GNB1L: variants seen among roughly 807,000 people sequenced by gnomAD.
GNB1L encodes guanine nucleotide-binding protein subunit beta-like protein 1.
GNB1L carries 20 observed loss-of-function variants against 29.1 expected under a neutral mutation model. The ratio of observed to expected loss-of-function variants is 0.69; its 90% CI spans 0.48 to 1.00. The LOEUF (loss-of-function observed/expected upper bound fraction) is 1.00. Ranked by LOEUF, GNB1L falls within the 50% of genes least tolerant of loss-of-function variation. The pLI, the probability that GNB1L is intolerant of heterozygous loss-of-function variation, is 0.00. For synonymous variants in GNB1L, 193 were observed against 206.5 expected, an observed-to-expected ratio of 0.93 and a Z score of 0.56; for missense variants, 421 against 464.9, an observed-to-expected ratio of 0.91 and a Z score of 0.87.
rs564960241 is a variant in GNB1L at position 19,802,216 on chromosome 22, C to T, written c.517G>A (p.Ala173Thr). 3.0e-5 allele frequency: 49 copies of T among 1,611,986 alleles called. No individual in the cohort carries two copies. Among genetic ancestry groups the T allele is most frequent in the Admixed American group, 2.0e-4 (12 of 60,014 alleles). Reference sequence around the variant, plus strand: ...AGGAGTGGGCGGGAGCTGCAGTCGGCCTGCGGGGAACAGCAGAGCAGTCAG... The same window carrying T: ...AGGAGTGGGCGGGAGCTGCAGTCGGTCTGCGGGGAACAGCAGAGCAGTCAG... ...GMPMCLRLWQ[A>T]DCSSRPLLLA... The change falls in exon 7 of 8, where the codon GCC (alanine) becomes ACC (threonine). Residue 173 changes from alanine to threonine, a missense_variant and splice_region_variant. By Grantham distance (58) the Ala-to-Thr change is moderately conservative. Transcript: ENST00000329517.
chr22:19,796,462 A>G (rs1937307497), intron 7 of GNB1L, among the ~76,000 whole-genome samples: 1 of 152,244 alleles, frequency 6.6e-6, no homozygotes, highest in Admixed American at 6.5e-5. Context: ...ACGGCCCCGC[A>G]TTTCAAAGAA....
chr22:19,820,684 C>T lies in GNB1L; in HGVS notation c.168G>A (p.Thr56=), dbSNP rs764335737. Residue 56 remains threonine (T), a synonymous_variant, in exon 4 of 8, where the codon ACG becomes ACA. Transcript: ENST00000329517. ...SGLVHIWSLQ[T]RRAVTTLDGH... Reference sequence around the variant, plus strand: ...CATCCAGGGTGGTAACCGCTCTCCGCGTCTGCAGGCTCCAGATGTGTACCA... The same window carrying T: ...CATCCAGGGTGGTAACCGCTCTCCGTGTCTGCAGGCTCCAGATGTGTACCA... 3.8e-5 allele frequency: 62 copies of T among 1,613,704 alleles called. No homozygotes were observed. Among genetic ancestry groups the T allele is most frequent in the South Asian group, 2.9e-4 (26 of 91,076 alleles).
At chr22:19,790,877 A>G (rs1344042316) in intron 7 of GNB1L, among the ~76,000 whole-genome samples, 1 of 152,222 alleles carries the variant, frequency 6.6e-6, no homozygotes, top group Non-Finnish European at 1.5e-5. Flanking sequence ...GGTAATCTGA[A>G]TAATAGGAAC....
At chr22:19,845,190 G>A (rs886474608) in intron 2 of GNB1L, among the ~76,000 whole-genome samples, 2 of 152,200 alleles carry the variant, frequency 1.3e-5, no homozygotes, top group African/African-American at 4.8e-5. Context: ...ATCAACTCCC[G>A]ACCACCCAGC....
chr22:19,840,734 C>T lies in GNB1L; in HGVS notation c.-21+13709G>A, dbSNP rs192173862. On this transcript the variant is annotated intron_variant, in intron 2 of 7. Transcript: ENST00000329517. ...CTGAGGCAGGAGAATCGCTTGAACC[C>T]GACAGGCAGAGATTGCAGTGAGCCG... Among the ~76,000 whole-genome samples, 127 of 151,914 alleles carry T rather than the reference C, an allele frequency of 8.4e-4. 1 individual carries two copies. The East Asian group carries it at 0.015, about 18-fold the overall frequency.
In GNB1L at chr22:19,812,442, C is replaced by T; in HGVS notation, c.260G>A (p.Gly87Asp). 6.2e-7 allele frequency: 1 copy of T among 1,611,666 alleles called. No homozygotes were observed. The highest frequency in any genetic ancestry group is 8.5e-7 in the Non-Finnish European group (1 of 1,178,898). ...LPQGRQLLSQ[G>D]RDLKLCLWDL... ...CCACAGGCACAGCTTCAGGTCCCGGCCCTGACTGCCAGACAAAGAGGAGAC... is the reference window on the plus strand; with the variant it reads ...CCACAGGCACAGCTTCAGGTCCCGGTCCTGACTGCCAGACAAAGAGGAGAC... Residue 87 changes from glycine to aspartate, a missense_variant, in exon 5 of 8, where the codon GGC becomes GAC. Coordinates refer to ENST00000329517, the MANE Select transcript of GNB1L (RefSeq NM_053004.3).
Position 19,816,890 on chromosome 22 carries a change from C to G in GNB1L, c.254+3708G>C, listed in dbSNP as rs982484344. On this transcript the variant is annotated intron_variant, in intron 4 of 7. Transcript: ENST00000329517. This position sits in a 1 kb window ranked among gnomAD's most constrained non-coding sequence, Gnocchi z 4.4. ...AGGCTGCCGCTGCCACACCACCCCC[C>G]CAACCCTGCTTCTTTGACTGCCTGG... Among the ~76,000 whole-genome samples, 2 of 152,206 alleles carry G rather than the reference C, an allele frequency of 1.3e-5. No homozygotes were observed. The highest frequency in any genetic ancestry group is 4.8e-5 in the African/African-American group (2 of 41,430).
rs147498111 is a variant in GNB1L, at chr22:19,853,984, G to A, written c.-21+459C>T. Among the ~76,000 whole-genome samples the A allele has an allele frequency of 3.2e-3, 491 of 152,218 alleles. 2 individuals are homozygous for A. Among genetic ancestry groups the A allele is most frequent in the African/African-American group, 0.011 (473 of 41,502 alleles). On this transcript the variant is annotated intron_variant, in intron 2 of 7. Coordinates refer to ENST00000329517, the MANE Select transcript of GNB1L (RefSeq NM_053004.3). Reference sequence around the variant, plus strand: ...TCCCTTCTTCCCAGTCCCCTACCCTGCCCACTCACCTGCGCACCTGTGTCC... The same window carrying A: ...TCCCTTCTTCCCAGTCCCCTACCCTACCCACTCACCTGCGCACCTGTGTCC...
intron 2 of GNB1L, chr22:19,848,626 G>GT: frequency 1.0e-6 from 1 of 985,480 alleles, no homozygotes; most frequent in Non-Finnish European, 1.2e-6. Context: ...AACAGGACGC[G>GT]TTTTAATTAA....
chr22:19,791,164 T>C (rs1347856428), intron 7 of GNB1L, among the ~76,000 whole-genome samples: 1 of 152,182 alleles, frequency 6.6e-6, no homozygotes, highest in Non-Finnish European at 1.5e-5. Flanking sequence ...GCCCAGGAGT[T>C]TGAGGCTGCA....
intron 2 of GNB1L, among the ~76,000 whole-genome samples, chr22:19,853,693 G>C (rs1188562621): frequency 6.6e-6 from 1 of 151,818 alleles, no homozygotes. Flanking sequence ...AAACACTCTG[G>C]AATCCCTCAG....
chr22:19,795,632 C>T (rs980138262), intron 7 of GNB1L, among the ~76,000 whole-genome samples: 2 of 152,242 alleles, frequency 1.3e-5, no homozygotes, highest in Non-Finnish European at 2.9e-5. Flanking sequence ...AATTAAATAA[C>T]ACACCCCCAC....
At chr22:19,822,888 TAC>T (rs776238593) in intron 2 of GNB1L, among the ~76,000 whole-genome samples, 24 of 152,174 alleles carry the variant, frequency 1.6e-4, no homozygotes, top group Non-Finnish European at 1.5e-4. Flanking sequence ...CCCTTCTGAA[TAC>T]ACGCCAGCCC....
At chr22:19,810,738 G>A (rs5993840) in intron 5 of GNB1L, among the ~76,000 whole-genome samples, 174 of 151,852 alleles carry the variant, frequency 1.1e-3, no homozygotes, top group African/African-American at 4.1e-3. Flanking sequence ...GCGTTGTCTG[G>A]GTGCAGGCCA....
At chr22:19,827,791 C>T (rs896432557) in intron 2 of GNB1L, among the ~76,000 whole-genome samples, 1 of 152,158 alleles carries the variant, frequency 6.6e-6, no homozygotes, top group Admixed American at 6.5e-5. Flanking sequence ...CTCCATCTTG[C>T]ACACCGTATG....
At chr22:19,794,749 G>A (rs1937287543) in intron 7 of GNB1L, among the ~76,000 whole-genome samples, 2 of 152,288 alleles carry the variant, frequency 1.3e-5, no homozygotes, top group South Asian at 2.1e-4. Flanking sequence ...TTGGGAGGCC[G>A]AGGCAGACGG....
chr22:19,801,653 G>GT (rs546357448), intron 7 of GNB1L, among the ~76,000 whole-genome samples: 31,076 of 137,656 alleles, frequency 0.23, 3,549 homozygotes, highest in South Asian at 0.43. Context: ...TTCCACACTG[G>GT]TTTTTTTTTT....
At position 19,851,543 on chromosome 22, in the gene GNB1L, G is replaced by A. The variant is rs769868190; in HGVS notation, c.-21+2900C>T. The A allele has an allele frequency of 1.4e-5, 22 of 1,613,518 alleles. No homozygotes were observed. In the Admixed American group the frequency reaches 3.0e-4, roughly 22 times the overall value. The stretch of plus-strand genomic sequence containing the variant: ...AGAGTTGGACCCAGACACAGCAGGG[G>A]TGGCCATGGCGGCTGGTAAAGACCT... On this transcript the variant is annotated intron_variant, in intron 2 of 7. Coordinates refer to ENST00000329517, the MANE Select transcript of GNB1L (RefSeq NM_053004.3).
At chr22:19,813,877 T>C (rs1469510565) in intron 4 of GNB1L, among the ~76,000 whole-genome samples, 1 of 152,014 alleles carries the variant, frequency 6.6e-6, no homozygotes, top group Non-Finnish European at 1.5e-5. Context: ...GTGCCTGTAG[T>C]CCCGGCTACT....
Sources: allele counts gnomAD v4.1 joint callset (sites outside exome capture counted in the v4.1 genomes callset), GRCh38; gene constraint gnomAD v4.1.1; non-coding constraint Gnocchi (gnomAD v3.1); transcripts MANE v1.5; gene names NCBI Gene and HGNC (gene_info 2026-07-23, HGNC 2026-07-21).